The following PCDH12 variants were observed in gnomAD, a reference collection of about 807,000 sequenced individuals.
PCDH12 encodes protocadherin 12.
Under a neutral mutation model 70.9 loss-of-function variants are expected in PCDH12, and 45 were observed. That is an observed-to-expected ratio of 0.63 (90% CI 0.50 to 0.81). The LOEUF is 0.81. Among genes scored for constraint, PCDH12 ranks in the 40% least tolerant of loss-of-function variants. PCDH12 has a pLI of 0.00. For synonymous variants in PCDH12, 567 were observed against 626.0 expected (o/e 0.91, Z 1.41); for missense variants, 1,370 against 1,491.7 (o/e 0.92, Z 1.34).
chr5:141,948,559 C>CA (rs1348966293), intron 3 of PCDH12, among the ~76,000 whole-genome samples: 4 of 152,192 alleles, frequency 2.6e-5, no homozygotes, highest in South Asian at 4.2e-4. Flanking sequence ...TATTTCTCTG[C>CA]AAAAAAATCT....
In PCDH12 at chr5:141,956,600, G is replaced by C; in HGVS notation, c.1252C>G (p.Leu418Val). 6.2e-7 allele frequency: 1 copy of C among 1,614,248 alleles called. No homozygotes were observed. Among genetic ancestry groups the C allele is most frequent in the East Asian group, 2.2e-5 (1 of 44,882 alleles). Residue 418 changes from leucine to valine, a missense_variant, in exon 1 of 4, where the codon CTG becomes GTG. Coordinates refer to ENST00000231484, the MANE Select transcript of PCDH12 (RefSeq NM_016580.4). ...NTYMLLTNAT[L>V]DREQWPKYTL... ...TATTTGGGCCACTGCTCTCTGTCCAGTGTGGCATTGGTTAGCAACATGTAT... is the reference window on the plus strand; with the variant it reads ...TATTTGGGCCACTGCTCTCTGTCCACTGTGGCATTGGTTAGCAACATGTAT...
rs1372347966 is a variant in PCDH12 at position 141,945,733 on chromosome 5, T to C, written c.3203A>G (p.Asn1068Ser). The stretch of plus-strand genomic sequence containing the variant: ...CGGGGAGATCACATTGTCACGGTAG[T>C]TGGTGGTGAGGGGCAAAGAGAGTCT... The part of the protein sequence containing the change: ...MARLSLPLTT[N>S]YRDNVISPDA... Residue 1068 changes from asparagine to serine, a missense_variant, in exon 4 of 4, where the codon AAC becomes AGC. Coordinates refer to ENST00000231484, the MANE Select transcript of PCDH12 (RefSeq NM_016580.4). The C allele has an allele frequency of 1.5e-5, 24 of 1,613,802 alleles. No homozygotes were observed. The highest frequency in any genetic ancestry group is 1.9e-5 in the Non-Finnish European group (22 of 1,179,960).
Position 141,957,988 on chromosome 5 carries a change from G to T in PCDH12, c.-137C>A. 1.0e-6 allele frequency: 1 copy of T among 986,650 alleles called. No individual in the cohort carries two copies. The highest frequency in any genetic ancestry group is 1.5e-6 in the Non-Finnish European group (1 of 682,478). 61.1% of individuals were successfully genotyped at this position (986,650 alleles called of 1,614,324 possible). Reference sequence around the variant, plus strand: ...GCTGCCGGCACAACCTTGTCCCATAGTTAGATGATTATGAAACAAGCAGGA... The same window carrying T: ...GCTGCCGGCACAACCTTGTCCCATATTTAGATGATTATGAAACAAGCAGGA... On this transcript the variant is annotated 5_prime_UTR_variant, in exon 1 of 4. Transcript: ENST00000231484. The surrounding 1 kb of genome is among the most constrained non-coding windows in gnomAD (Gnocchi z 4.3).
intron 1 of PCDH12, chr5:141,952,492 C>T (rs984893699): frequency 6.6e-6 from 1 of 152,180 alleles, no homozygotes; most frequent in African/African-American, 2.4e-5. Context: ...GGTTTTCAGG[C>T]AGAAGCACTG....
chr5:141,952,008 A>T (rs1753093577), intron 1 of PCDH12, among the ~76,000 whole-genome samples: 1 of 152,376 alleles, frequency 6.6e-6, no homozygotes, highest in East Asian at 1.9e-4. Context: ...TGTTGACCAG[A>T]TGTAAGACTA....
In PCDH12 at chr5:141,945,401, T is replaced by TGCTGCTGCTGCTGCCGCC. The variant is rs532090538; in HGVS notation, c.3534_3535insGGCGGCAGCAGCAGCAGC (p.Ser1178_Ser1179insGlyGlySerSerSerSer). ...TATGTTCACAGGCACCTGCTGCTGC[T>TGCTGCTGCTGCTGCCGCC]GCTGCTGCCTCTGCTCTTGCCCTCA... is the stretch of plus-strand genomic sequence containing the variant. On this transcript the variant is annotated inframe_insertion, in exon 4 of 4. Transcript: ENST00000231484. The TGCTGCTGCTGCTGCCGCC allele has an allele frequency of 4.3e-5, 70 of 1,612,470 alleles. No individual in the cohort carries two copies. The South Asian group carries it at 7.3e-4, about 17-fold the overall frequency.
At chr5:141,946,875 G>A (rs1752946413) in intron 3 of PCDH12, among the ~76,000 whole-genome samples, 1 of 149,220 alleles carries the variant, frequency 6.7e-6, no homozygotes, top group South Asian at 2.1e-4. Flanking sequence ...ATAAGTCTTG[G>A]AGTTAAGAAA....
rs554848538 is a variant in PCDH12, at chr5:141,950,463, T to C, written c.2979-880A>G. On this transcript the variant is annotated intron_variant, in intron 2 of 3. Coordinates refer to ENST00000231484, the MANE Select transcript of PCDH12 (RefSeq NM_016580.4). ...TGAGTCTGAGTCAGGCCTTATGCGA[T>C]GCAAGGTCCATGCACCGTCTTATTC... Among the ~76,000 whole-genome samples, 6 of 152,350 alleles carry C rather than the reference T, an allele frequency of 3.9e-5. No individual in the cohort carries two copies. In the East Asian group the frequency reaches 9.7e-4, roughly 25 times the overall value.
chr5:141,958,013 A>G lies in PCDH12; in HGVS notation c.-162T>C, dbSNP rs1753216774. 5 of 787,100 alleles carry G rather than the reference A, an allele frequency of 6.4e-6. No homozygotes were observed. The highest frequency in any genetic ancestry group is 1.9e-5 in the South Asian group (1 of 52,664). 48.8% of individuals were successfully genotyped at this position (787,100 alleles called of 1,614,324 possible). ...GTTAGATGATTATGAAACAAGCAGG[A>G]CCCCAAGGCAAGGCCATCTTCATTG... is the stretch of plus-strand genomic sequence containing the variant. On this transcript the variant is annotated 5_prime_UTR_variant, in exon 1 of 4. Coordinates refer to ENST00000231484, the MANE Select transcript of PCDH12 (RefSeq NM_016580.4).
chr5:141,951,555 GC>G lies in PCDH12; in HGVS notation c.2915del (p.Gly972AlafsTer56). On this transcript the variant is annotated frameshift_variant, in exon 2 of 4. Transcript: ENST00000231484. LOFTEE classifies it high-confidence loss of function. ...ISQLLSLLHQ[G>X]QFQPKPNHRG... Reference sequence around the variant, plus strand: ...GGTGGTTTGGTTTGGGCTGGAATTGGCCCTGATGCAGCAAGGACAGCAGCTG... The same window carrying G: ...GGTGGTTTGGTTTGGGCTGGAATTGGCCTGATGCAGCAAGGACAGCAGCTG... The G allele has an allele frequency of 6.2e-7, 1 of 1,614,218 alleles. No homozygotes were observed. Among genetic ancestry groups the G allele is most frequent in the Non-Finnish European group, 8.5e-7 (1 of 1,180,032 alleles).
chr5:141,950,505 T>C (rs1309667633), intron 2 of PCDH12, among the ~76,000 whole-genome samples: 1 of 152,166 alleles, frequency 6.6e-6, no homozygotes, highest in Non-Finnish European at 1.5e-5. Context: ...TCCACACCTG[T>C]AAGGGGTTCT....
chr5:141,947,236 G>T (rs941807571), intron 3 of PCDH12, among the ~76,000 whole-genome samples: 2 of 152,218 alleles, frequency 1.3e-5, no homozygotes, highest in African/African-American at 4.8e-5. Flanking sequence ...CTTGGGTTTA[G>T]CCCCATGCCT....
At position 141,957,972 on chromosome 5, in the gene PCDH12, A is replaced by G. The variant is rs989803079; in HGVS notation, c.-121T>C. On this transcript the variant is annotated 5_prime_UTR_variant, in exon 1 of 4. Coordinates refer to ENST00000231484, the MANE Select transcript of PCDH12 (RefSeq NM_016580.4). The surrounding 1 kb of genome is among the most constrained non-coding windows in gnomAD (Gnocchi z 4.3). The stretch of plus-strand genomic sequence containing the variant: ...TGCTCCTTCCCCCAGAGCTGCCGGC[A>G]CAACCTTGTCCCATAGTTAGATGAT... 8.7e-7 allele frequency: 1 copy of G among 1,155,306 alleles called. No homozygotes were observed. The allele number at this position is 1,155,306 out of a possible 1,614,324, so 71.6% of individuals were successfully genotyped here.
intron 1 of PCDH12, among the ~76,000 whole-genome samples, chr5:141,951,882 CTG>C (rs1454296131): frequency 6.6e-6 from 1 of 152,240 alleles, no homozygotes; most frequent in Non-Finnish European, 1.5e-5. Context: ...CTGGTGGACT[CTG>C]AGAGATGGGG....
In PCDH12 at chr5:141,945,184, A is replaced by G; in HGVS notation, c.*197T>C. 2 of 675,510 alleles carry G rather than the reference A, an allele frequency of 3.0e-6. No individual in the cohort carries two copies. The highest frequency in any genetic ancestry group is 2.6e-6 in the Non-Finnish European group (1 of 389,316). 41.8% of individuals were successfully genotyped at this position (675,510 alleles called of 1,614,324 possible). A position where few individuals can be genotyped will look rare whatever the true frequency, so the allele number is the denominator to read the frequency against. The stretch of plus-strand genomic sequence containing the variant: ...ACCGTCCCTGTCCTCCAAAAGACTC[A>G]GAGCTGCTTACAAGGGGCTGCTTTG... On this transcript the variant is annotated 3_prime_UTR_variant, in exon 4 of 4. Coordinates refer to ENST00000231484, the MANE Select transcript of PCDH12 (RefSeq NM_016580.4).
intron 3 of PCDH12, among the ~76,000 whole-genome samples, chr5:141,947,920 A>G (rs565510671): frequency 1.3e-5 from 2 of 152,324 alleles, no homozygotes; most frequent in East Asian, 3.9e-4. Context: ...CCGTGTGGGA[A>G]CTGACCCCAC....
chr5:141,956,989 G>A lies in PCDH12; in HGVS notation c.863C>T (p.Pro288Leu). The A allele has an allele frequency of 1.9e-6, 3 of 1,614,184 alleles. No individual in the cohort carries two copies. Among genetic ancestry groups the A allele is most frequent in the South Asian group, 1.1e-5 (1 of 91,078 alleles). ...ACTGAAGGTGTCCAGCACCTCTGGA[G>A]GCATGTGCTTACTGAGGAAGAACTC... ...EVEFFLSKHM[P>L]PEVLDTFSID... is the part of the protein sequence containing the mutation. Residue 288 changes from proline to leucine, a missense_variant, in exon 1 of 4, where the codon CCT becomes CTT. Transcript: ENST00000231484.
Position 141,951,592 on chromosome 5 carries a change from T to A in PCDH12, c.2881-2A>T. The A allele has an allele frequency of 6.2e-7, 1 of 1,612,810 alleles. No individual in the cohort carries two copies. The highest frequency in any genetic ancestry group is 8.5e-7 in the Non-Finnish European group (1 of 1,178,756). ...CAAGGACAGCAGCTGGGAGATTTGC[T>A]ACAAGACAGGAAAAATCTGTTGACT... On this transcript the variant is annotated splice_acceptor_variant, in intron 1 of 3. Coordinates refer to ENST00000231484, the MANE Select transcript of PCDH12 (RefSeq NM_016580.4). LOFTEE classifies it high-confidence loss of function.
Position 141,955,324 on chromosome 5 carries a change from T to G in PCDH12, c.2528A>C (p.Gln843Pro), listed in dbSNP as rs1753159636. The G allele has an allele frequency of 6.2e-7, 1 of 1,614,202 alleles. No homozygotes were observed. The highest frequency in any genetic ancestry group is 8.5e-7 in the Non-Finnish European group (1 of 1,180,032). The change falls in exon 1 of 4, where the codon CAA (glutamine) becomes CCA (proline). Residue 843 changes from glutamine (Q) to proline (P), a missense_variant. Gln to Pro is a moderately conservative substitution (Grantham distance 76). Transcript: ENST00000231484. The surrounding 1 kb of genome is among the most constrained non-coding windows in gnomAD (Gnocchi z 5.5). ...GTTGAAAAGGAGGTTGACCGTGTCT[T>G]GCAGCACCTCTCGGCTCTCCGCCGG... ...GAPAESREVLQDTVNLLFNHP... is the reference protein window; with the variant it reads ...GAPAESREVLPDTVNLLFNHP...
Sources: gnomAD v4.1 joint callset for allele counts (sites outside exome capture counted in the v4.1 genomes callset) on GRCh38, gnomAD v4.1.1 for gene constraint, Gnocchi (gnomAD v3.1) non-coding constraint, MANE v1.5 for transcripts, NCBI Gene and HGNC (gene_info 2026-07-23, HGNC 2026-07-21) for gene names.